COL25A1: variants seen among roughly 807,000 people sequenced by gnomAD.
COL25A1 encodes collagen alpha-1(XXV) chain.
In COL25A1, 103 loss-of-function variants were observed where a neutral mutation model predicts 128.4. The observed-to-expected ratio is 0.80, with a 90% CI of 0.68 to 0.94. COL25A1 has a LOEUF of 0.94. Among genes scored for constraint, COL25A1 ranks in the 40% least tolerant of loss-of-function variants. The pLI is 0.00. For missense variants in COL25A1, 745 were observed against 840.0 expected, an observed-to-expected ratio of 0.89 and a Z score of 1.40; for synonymous variants, 279 against 277.2, an observed-to-expected ratio of 1.01 and a Z score of -0.06.
intron 3 of COL25A1, among the ~76,000 whole-genome samples, chr4:109,108,001 A>C (rs1579389461): frequency 6.6e-6 from 1 of 152,332 alleles, no homozygotes; most frequent in East Asian, 1.9e-4. Context: ...AACTTTCTAC[A>C]TACCTTAAAA....
chr4:109,185,390 A>C (rs913685633), intron 3 of COL25A1, among the ~76,000 whole-genome samples: 8 of 152,214 alleles, frequency 5.3e-5, no homozygotes, highest in African/African-American at 1.9e-4. Context: ...CAAAGGAGAA[A>C]ACTAAGACTC....
chr4:109,021,805 G>A (rs1440721817), intron 5 of COL25A1: 1 of 453,140 alleles, frequency 2.2e-6, no homozygotes, highest in Non-Finnish European at 4.4e-6. Flanking sequence ...CGCTCTGGGA[G>A]TGTCTGTCCT....
intron 3 of COL25A1, among the ~76,000 whole-genome samples, chr4:109,230,264 A>G (rs1241654583): frequency 6.6e-6 from 1 of 152,158 alleles, no homozygotes; most frequent in African/African-American, 2.4e-5. Context: ...AATAATAAGG[A>G]TCAACTATAC....
At chr4:108,932,303 G>A (rs78097734) in intron 11 of COL25A1, among the ~76,000 whole-genome samples, 5,256 of 152,186 alleles carry the variant, frequency 0.035, 145 homozygotes, top group African/African-American at 0.06. Context: ...TCATGCTTAC[G>A]TTATTAACTA....
intron 27 of COL25A1, among the ~76,000 whole-genome samples, chr4:108,847,803 T>C (rs563378022): frequency 6.6e-6 from 1 of 152,324 alleles, no homozygotes; most frequent in African/African-American, 2.4e-5. Flanking sequence ...TATTTCAGCA[T>C]ATAACTCTGA....
chr4:109,082,784 A>G (rs1763956762), intron 3 of COL25A1, among the ~76,000 whole-genome samples: 1 of 151,794 alleles, frequency 6.6e-6, no homozygotes, highest in South Asian at 2.1e-4. Flanking sequence ...CTTTTATTTT[A>G]GGTTCGTGGT....
At chr4:108,859,578 G>T in intron 24 of COL25A1, 78 bp downstream of exon 24, 1 of 1,172,890 alleles carries the variant, frequency 8.5e-7, no homozygotes, top group Non-Finnish European at 1.2e-6. Flanking sequence ...GGGTGTGGAA[G>T]CTCATATTTG....
chr4:108,938,813 C>A (rs1203177608), intron 10 of COL25A1, among the ~76,000 whole-genome samples: 1 of 151,930 alleles, frequency 6.6e-6, no homozygotes, highest in Non-Finnish European at 1.5e-5. Flanking sequence ...GCGGAGATCA[C>A]ACCACTGCTC....
At chr4:109,122,412 T>A (rs1253816903) in intron 3 of COL25A1, among the ~76,000 whole-genome samples, 1 of 152,016 alleles carries the variant, frequency 6.6e-6, no homozygotes, top group Non-Finnish European at 1.5e-5. Context: ...TCAGTTTTGC[T>A]ATAAACCTAA....
In COL25A1 at chr4:108,896,566, A is replaced by T. The variant is rs1742177424; in HGVS notation, c.906+101T>A. 1.2e-5 allele frequency: 11 copies of T among 914,414 alleles called. No homozygotes were observed. The Middle Eastern group carries it at 8.7e-4, about 72-fold the overall frequency. 56.6% of individuals were successfully genotyped at this position (914,414 alleles called of 1,614,324 possible). A position where few individuals can be genotyped will look rare whatever the true frequency, so the allele number is the denominator to read the frequency against. ...GAATGATCTCTGACCTTTTCATATT[A>T]AGCAACTCTCACTCATCTCTCTAAA... is the stretch of plus-strand genomic sequence containing the variant. On this transcript the variant is annotated intron_variant, in intron 16 of 37. Transcript: ENST00000399132.
intron 3 of COL25A1, among the ~76,000 whole-genome samples, chr4:109,107,724 A>G (rs1294525593): frequency 2.0e-5 from 3 of 152,228 alleles, no homozygotes; most frequent in African/African-American, 7.2e-5. Flanking sequence ...ACATCTGTAG[A>G]GTCATTCTAA....
chr4:108,872,815 T>G (rs2125816429), intron 19 of COL25A1, among the ~76,000 whole-genome samples: 1 of 152,284 alleles, frequency 6.6e-6, no homozygotes, highest in African/African-American at 2.4e-5. Context: ...TAAAAACCAG[T>G]TATATTTCAT....
intron 13 of COL25A1, among the ~76,000 whole-genome samples, chr4:108,914,085 G>C (rs1289251886): frequency 2.0e-5 from 3 of 152,096 alleles, no homozygotes; most frequent in Admixed American, 2.0e-4. Flanking sequence ...TATATTTTTA[G>C]GTAGGATTTG....
At position 108,876,318 on chromosome 4, in the gene COL25A1, G is replaced by C. The variant is rs373360293; in HGVS notation, c.1021-7168C>G. Among the ~76,000 whole-genome samples the C allele has an allele frequency of 3.3e-5, 5 of 151,664 alleles. No homozygotes were observed. In the East Asian group the frequency reaches 9.7e-4, roughly 29 times the overall value. On this transcript the variant is annotated intron_variant, in intron 19 of 37. Coordinates refer to ENST00000399132, the MANE Select transcript of COL25A1 (RefSeq NM_198721.4). ...GAATTCAGGGAGGGAGGGAAGGAGA[G>C]GGAGAGAGGAAGACAAGAGGAGAGA...
intron 3 of COL25A1, among the ~76,000 whole-genome samples, chr4:109,223,379 T>C (rs566360435): frequency 1.3e-4 from 20 of 152,170 alleles, no homozygotes; most frequent in Middle Eastern, 3.4e-3. Flanking sequence ...CATTGGAAAT[T>C]ATTATTATAT....
At chr4:108,997,248 G>C (rs113270443) in intron 6 of COL25A1, among the ~76,000 whole-genome samples, 1 of 152,038 alleles carries the variant, frequency 6.6e-6, no homozygotes, top group Non-Finnish European at 1.5e-5. Context: ...AAGAAGAAAA[G>C]AGAGAAGAAT....
At chr4:109,124,349 C>CA (rs1203669759) in intron 3 of COL25A1, among the ~76,000 whole-genome samples, 2 of 152,008 alleles carry the variant, frequency 1.3e-5, no homozygotes, top group Non-Finnish European at 2.9e-5. Context: ...GCAAATTACT[C>CA]AGAGAAGGCT....
At chr4:109,131,165 G>A (rs1769158173) in intron 3 of COL25A1, among the ~76,000 whole-genome samples, 1 of 149,656 alleles carries the variant, frequency 6.7e-6, no homozygotes, top group Non-Finnish European at 1.5e-5. Flanking sequence ...CATCAGTAAT[G>A]TTTTTGTTGG....
intron 3 of COL25A1, among the ~76,000 whole-genome samples, chr4:109,204,852 T>C (rs1776852819): frequency 2.0e-5 from 3 of 152,132 alleles, no homozygotes. Flanking sequence ...AAATTCTCAA[T>C]GGGAATTTTT....
Sources: allele counts gnomAD v4.1 joint callset (sites outside exome capture counted in the v4.1 genomes callset), GRCh38; gene constraint gnomAD v4.1.1; transcripts MANE v1.5; gene names NCBI Gene and HGNC (gene_info 2026-07-23, HGNC 2026-07-21).